Variants in LRRC4C observed in about 807,000 individuals in gnomAD.
LRRC4C encodes the protein leucine rich repeat containing 4C, also known as leucine-rich repeat-containing protein 4C.
A neutral mutation model predicts 33.6 loss-of-function variants in LRRC4C; 5 were observed. The ratio of observed to expected loss-of-function variants is 0.15; its 90% CI spans 0.08 to 0.31. The LOEUF (loss-of-function observed/expected upper bound fraction) is 0.31. Among genes scored for constraint, LRRC4C ranks in the 10% least tolerant of loss-of-function variants. The pLI is 1.00. For synonymous variants in LRRC4C, 329 were observed against 302.0 expected (o/e 1.09, Z -0.93); for missense variants, 560 against 796.7 (o/e 0.70, Z 3.58).
intron 4 of LRRC4C, among the ~76,000 whole-genome samples, chr11:40,261,261 T>C (rs564177395): frequency 6.6e-6 from 1 of 152,152 alleles, no homozygotes; most frequent in Admixed American, 6.6e-5. Flanking sequence ...ACAAAAGTCG[T>C]TGATTTGAAA....
At chr11:41,389,818 T>C (rs1953518560) in intron 1 of LRRC4C, among the ~76,000 whole-genome samples, 1 of 151,798 alleles carries the variant, frequency 6.6e-6, no homozygotes, top group African/African-American at 2.4e-5. Context: ...ACTTCTACAA[T>C]TACCATTGAA....
intron 1 of LRRC4C, among the ~76,000 whole-genome samples, chr11:41,432,801 T>C (rs1955286330): frequency 6.6e-6 from 1 of 152,078 alleles, no homozygotes. Context: ...AGGGCTGGCA[T>C]CATTTTTCCC....
chr11:40,699,962 A>G (rs926147894), intron 2 of LRRC4C, among the ~76,000 whole-genome samples: 26 of 152,312 alleles, frequency 1.7e-4, no homozygotes, highest in Non-Finnish European at 7.4e-5. Context: ...GCTTCTTAGT[A>G]GAGGAGAAAA....
chr11:40,141,762 A>G (rs959950391), intron 5 of LRRC4C, among the ~76,000 whole-genome samples: 1 of 152,232 alleles, frequency 6.6e-6, no homozygotes, highest in Non-Finnish European at 1.5e-5. Flanking sequence ...GCTGACTCCA[A>G]CAAGAAGTTG....
intron 5 of LRRC4C, among the ~76,000 whole-genome samples, chr11:40,160,860 T>C (rs1005698032): frequency 6.6e-6 from 1 of 152,006 alleles, no homozygotes; most frequent in Non-Finnish European, 1.5e-5. Context: ...GGTAGGCAGA[T>C]AGAAGAAGAG....
intron 6 of LRRC4C, 119 bp from the exon 7 acceptor site, chr11:40,116,453 A>C (rs1399203545): frequency 3.9e-6 from 4 of 1,031,690 alleles, no homozygotes; most frequent in Non-Finnish European, 5.4e-6. Context: ...GACAAATTAA[A>C]AACAAATCTA....
chr11:40,316,123 A>T (rs1268932058), intron 4 of LRRC4C, among the ~76,000 whole-genome samples: 2 of 152,050 alleles, frequency 1.3e-5, no homozygotes, highest in Non-Finnish European at 2.9e-5. Context: ...ATCAAAAAAA[A>T]TCCCACAGAT....
chr11:40,985,769 G>A lies in LRRC4C; in HGVS notation c.-495-52046C>T, dbSNP rs956574865. ...GCCTCCCAAAGTGCTGGGATTACAG[G>A]CGTGAGCCACCGCGCCCGGCCTAAA... On this transcript the variant is annotated intron_variant, in intron 1 of 6. Coordinates refer to ENST00000528697, the MANE Select transcript of LRRC4C (RefSeq NM_001258419.2). Among the ~76,000 whole-genome samples the A allele has an allele frequency of 3.6e-3, 2 of 562 alleles. 1 individual carries two copies. The highest frequency in any genetic ancestry group is 3.6e-3 in the African/African-American group (2 of 560). The allele number at this position is 562 out of a possible 152,430, so 0.4% of individuals were successfully genotyped here. A position where few individuals can be genotyped will look rare whatever the true frequency, so the allele number is the denominator to read the frequency against.
intron 5 of LRRC4C, among the ~76,000 whole-genome samples, chr11:40,152,211 G>A (rs1404362007): frequency 1.3e-5 from 2 of 152,166 alleles, no homozygotes; most frequent in Non-Finnish European, 2.9e-5. Context: ...TCTGTTTGCG[G>A]GAGAAGTTTC....
At chr11:41,343,894 C>A (rs559004237) in intron 1 of LRRC4C, among the ~76,000 whole-genome samples, 9 of 152,276 alleles carry the variant, frequency 5.9e-5, no homozygotes, top group African/African-American at 2.2e-4. Flanking sequence ...CTCTAATTAG[C>A]ATATCATATT....
At chr11:40,349,779 A>G (rs143697765) in intron 3 of LRRC4C, among the ~76,000 whole-genome samples, 96 of 152,260 alleles carry the variant, frequency 6.3e-4, no homozygotes, top group African/African-American at 2.3e-3. Context: ...CTGGAATGAG[A>G]TGATACCTCA....
chr11:41,189,258 C>G (rs987629091), intron 1 of LRRC4C, among the ~76,000 whole-genome samples: 2 of 152,040 alleles, frequency 1.3e-5, no homozygotes, highest in African/African-American at 4.8e-5. Context: ...TATGAAGATG[C>G]TGTGATAGGT....
rs79743074 is a variant in LRRC4C, at chr11:41,064,846, C to T, written c.-495-131123G>A. On this transcript the variant is annotated intron_variant, in intron 1 of 6. Coordinates refer to ENST00000528697, the MANE Select transcript of LRRC4C (RefSeq NM_001258419.2). ...CGGGGGACCTCCCTTCCCCAACCAA[C>T]GAAGCCCTGAGGGACTGTTTTACCT... Among the ~76,000 whole-genome samples the T allele has an allele frequency of 5.1e-3, 781 of 152,296 alleles. 4 individuals carry two copies. Among genetic ancestry groups the T allele is most frequent in the African/African-American group, 0.018 (730 of 41,564 alleles).
At chr11:41,222,513 C>T (rs1947351198) in intron 1 of LRRC4C, among the ~76,000 whole-genome samples, 1 of 152,136 alleles carries the variant, frequency 6.6e-6, no homozygotes, top group African/African-American at 2.4e-5. Flanking sequence ...TGACAACAAA[C>T]ATGAGACTTG....
chr11:40,714,651 T>C (rs1029269896), intron 2 of LRRC4C, among the ~76,000 whole-genome samples: 1 of 152,180 alleles, frequency 6.6e-6, no homozygotes, highest in African/African-American at 2.4e-5. Context: ...AACAAATGTG[T>C]AGTGTTGGGA....
chr11:40,765,736 A>G (rs558306354), intron 2 of LRRC4C, among the ~76,000 whole-genome samples: 2 of 152,152 alleles, frequency 1.3e-5, no homozygotes, highest in East Asian at 3.9e-4. Flanking sequence ...AGCAGAAGAA[A>G]GAACTGCTGA....
intron 2 of LRRC4C, among the ~76,000 whole-genome samples, chr11:40,750,808 GAA>G (rs57426456): frequency 1.0e-3 from 140 of 136,172 alleles, no homozygotes; most frequent in African/African-American, 2.5e-3. Flanking sequence ...ATAATAAAAA[GAA>G]AAAAAAAAAA....
intron 1 of LRRC4C, among the ~76,000 whole-genome samples, chr11:41,327,508 A>G (rs993790943): frequency 3.9e-5 from 6 of 152,238 alleles, no homozygotes; most frequent in Non-Finnish European, 8.8e-5. Flanking sequence ...TGTAGGAAAC[A>G]TAGATATTTA....
chr11:40,938,324 A>G (rs1438035406), intron 1 of LRRC4C, among the ~76,000 whole-genome samples: 2 of 151,904 alleles, frequency 1.3e-5, no homozygotes, highest in East Asian at 3.9e-4. Flanking sequence ...AAAAGATCCA[A>G]GCGAAGGGTG....
Sources: gnomAD v4.1 joint callset for allele counts (sites outside exome capture counted in the v4.1 genomes callset) on GRCh38, gnomAD v4.1.1 for gene constraint, MANE v1.5 for transcripts, NCBI Gene and HGNC (gene_info 2026-07-23, HGNC 2026-07-21) for gene names.